Variants in FMNL2 observed in about 807,000 individuals in gnomAD.
The protein encoded by FMNL2 is formin-like protein 2.
FMNL2 carries 51 observed loss-of-function variants against 130.2 expected under a neutral mutation model. That is an observed-to-expected ratio of 0.39 (90% CI 0.31 to 0.49). FMNL2 has a LOEUF of 0.49. FMNL2 is among the 20% of genes least tolerant of loss of function. FMNL2 has a pLI of 0.85. For missense variants in FMNL2, 977 were observed against 1,316.2 expected (o/e 0.74, Z 3.99); for synonymous variants, 465 against 467.1 (o/e 1.00, Z 0.06).
intron 1 of FMNL2, among the ~76,000 whole-genome samples, chr2:152,347,200 C>T (rs1436193707): frequency 1.3e-5 from 2 of 152,138 alleles, no homozygotes; most frequent in African/African-American, 4.8e-5. Context: ...TGAGACTTGG[C>T]TTCTGGTCTC....
intron 4 of FMNL2, among the ~76,000 whole-genome samples, chr2:152,553,568 G>A (rs1695049824): frequency 6.9e-6 from 1 of 145,254 alleles, no homozygotes; most frequent in South Asian, 2.2e-4. Flanking sequence ...GTTTTAGAGT[G>A]CCTTTATACT....
Position 152,649,494 on chromosome 2 carries a change from C to A in FMNL2, c.*1589C>A, listed in dbSNP as rs998267873. The A allele has an allele frequency of 6.6e-6, 1 of 152,568 alleles. No homozygotes were observed. The highest frequency in any genetic ancestry group is 2.4e-5 in the African/African-American group (1 of 41,420). The allele number at this position is 152,568 out of a possible 1,614,324, so 9.5% of individuals were successfully genotyped here. A position where few individuals can be genotyped will look rare whatever the true frequency, so the allele number is the denominator to read the frequency against. On this transcript the variant is annotated 3_prime_UTR_variant, in exon 26 of 26. Transcript: ENST00000288670. Reference sequence around the variant, plus strand: ...TTAAACTGCCACCTGCGGGCACATTCCCATAAATGTGTACTTTACTTTAAA... The same window carrying A: ...TTAAACTGCCACCTGCGGGCACATTACCATAAATGTGTACTTTACTTTAAA...
intron 12 of FMNL2, 132 bp from the exon 13 acceptor site, chr2:152,616,959 T>C: frequency 1.5e-6 from 1 of 685,390 alleles, no homozygotes; most frequent in Non-Finnish European, 2.5e-6. Flanking sequence ...AACATTACCA[T>C]TTCCAGAAAA....
chr2:152,525,428 A>G (rs755832329), intron 2 of FMNL2, among the ~76,000 whole-genome samples: 4 of 152,174 alleles, frequency 2.6e-5, no homozygotes, highest in Non-Finnish European at 5.9e-5. Flanking sequence ...TGCCATCCCT[A>G]TGCTGGGTTA....
chr2:152,500,712 G>A (rs1183022102), intron 1 of FMNL2, among the ~76,000 whole-genome samples: 1 of 152,194 alleles, frequency 6.6e-6, no homozygotes, highest in Non-Finnish European at 1.5e-5. Context: ...GCTGGGTGTG[G>A]TGGCGGGTGC....
At chr2:152,350,357 T>C (rs1483887125) in intron 1 of FMNL2, among the ~76,000 whole-genome samples, 1 of 152,214 alleles carries the variant, frequency 6.6e-6, no homozygotes, top group Non-Finnish European at 1.5e-5. Context: ...CTCAGGAGTC[T>C]GTCCCCTCAC....
chr2:152,509,587 A>G (rs1402442707), intron 1 of FMNL2, among the ~76,000 whole-genome samples: 1 of 152,056 alleles, frequency 6.6e-6, no homozygotes, highest in Non-Finnish European at 1.5e-5. Context: ...GAGATAATAC[A>G]AAGAAAAGGT....
At position 152,644,963 on chromosome 2, in the gene FMNL2, C is replaced by T. The variant is rs147764410; in HGVS notation, c.3170-2833C>T. On this transcript the variant is annotated intron_variant, in intron 25 of 25. Coordinates refer to ENST00000288670, the MANE Select transcript of FMNL2 (RefSeq NM_052905.4). ...AAGGGAAACACATACTCTAATTGGA[C>T]GTAGCCATTGACTCCTGTGCTGAGA... 2.8e-3 allele frequency among the ~76,000 whole-genome samples: 429 copies of T among 152,292 alleles called. 1 individual carries two copies. The highest frequency in any genetic ancestry group is 5.1e-3 in the Non-Finnish European group (345 of 68,036).
At chr2:152,543,999 C>CA (rs1242629166) in intron 3 of FMNL2, among the ~76,000 whole-genome samples, 1 of 152,124 alleles carries the variant, frequency 6.6e-6, no homozygotes, top group African/African-American at 2.4e-5. Flanking sequence ...TTCTAAAAGA[C>CA]CTGTTGTCAG....
intron 1 of FMNL2, among the ~76,000 whole-genome samples, chr2:152,392,091 G>A (rs1685147060): frequency 6.6e-6 from 1 of 151,850 alleles, no homozygotes; most frequent in Admixed American, 6.6e-5. Context: ...TTTAAATGAG[G>A]TTCTCTACCT....
At chr2:152,408,865 C>T (rs1399064205) in intron 1 of FMNL2, among the ~76,000 whole-genome samples, 7 of 152,142 alleles carry the variant, frequency 4.6e-5, no homozygotes, top group South Asian at 2.1e-4. Context: ...ATATATATCG[C>T]TTTTGCACCA....
intron 2 of FMNL2, among the ~76,000 whole-genome samples, chr2:152,537,443 T>C (rs1694054116): frequency 6.6e-6 from 1 of 152,208 alleles, no homozygotes; most frequent in Admixed American, 6.5e-5. Context: ...CGTATGGTTA[T>C]GAAAGGCATT....
Position 152,493,967 on chromosome 2 carries a change from A to G in FMNL2, c.118-27976A>G, listed in dbSNP as rs533843238. Among the ~76,000 whole-genome samples the G allele has an allele frequency of 2.6e-5, 4 of 152,366 alleles. 1 individual carries two copies. The South Asian group carries it at 8.3e-4, about 32-fold the overall frequency. ...AGCTCATTTCAGATATTAACAAAGC[A>G]TTTGGCTTACATATCTTATTTGCTT... On this transcript the variant is annotated intron_variant, in intron 1 of 25. Coordinates refer to ENST00000288670, the MANE Select transcript of FMNL2 (RefSeq NM_052905.4).
intron 1 of FMNL2, among the ~76,000 whole-genome samples, chr2:152,430,444 A>G (rs181931029): frequency 5.8e-4 from 88 of 152,242 alleles, no homozygotes; most frequent in African/African-American, 2.1e-3. Flanking sequence ...GTGAAATATC[A>G]TTTTCTAATG....
At chr2:152,581,495 C>T (rs1696776725) in intron 9 of FMNL2, among the ~76,000 whole-genome samples, 1 of 152,200 alleles carries the variant, frequency 6.6e-6, no homozygotes, top group South Asian at 2.1e-4. Flanking sequence ...CTTAAGTGGG[C>T]TTGTCACAGC....
chr2:152,562,009 A>G (rs1165941152), intron 6 of FMNL2, among the ~76,000 whole-genome samples: 1 of 152,176 alleles, frequency 6.6e-6, no homozygotes, highest in African/African-American at 2.4e-5. Context: ...GAGGTTGTTC[A>G]TTCACTCATA....
intron 1 of FMNL2, among the ~76,000 whole-genome samples, chr2:152,371,668 CAAA>C (rs71394476): frequency 3.0e-5 from 2 of 66,224 alleles, no homozygotes; most frequent in Admixed American, 1.6e-4. Flanking sequence ...GACTCTGTCT[CAAA>C]AAAAAAAAAA....
At chr2:152,452,799 G>A (rs1346167032) in intron 1 of FMNL2, among the ~76,000 whole-genome samples, 2 of 152,072 alleles carry the variant, frequency 1.3e-5, no homozygotes, top group Non-Finnish European at 1.5e-5. Context: ...GAGGGCTGTC[G>A]TACCAGGTGA....
intron 1 of FMNL2, among the ~76,000 whole-genome samples, chr2:152,432,217 T>G (rs1170616377): frequency 6.6e-6 from 1 of 151,968 alleles, no homozygotes; most frequent in Non-Finnish European, 1.5e-5. Flanking sequence ...TGCATTTCTT[T>G]TTTTTTTTAA....
Sources: gnomAD v4.1 joint callset for allele counts (sites outside exome capture counted in the v4.1 genomes callset) on GRCh38, gnomAD v4.1.1 for gene constraint, MANE v1.5 for transcripts, NCBI Gene and HGNC (gene_info 2026-07-23, HGNC 2026-07-21) for gene names.